CAPZA2: variants seen among roughly 807,000 people sequenced by gnomAD.
CAPZA2 encodes the protein capping actin protein of muscle Z-line subunit alpha 2.
CAPZA2 carries 13 observed loss-of-function variants against 44.0 expected under a neutral mutation model. That is an observed-to-expected ratio of 0.30 (90% CI 0.19 to 0.47). The LOEUF (loss-of-function observed/expected upper bound fraction) is 0.47. Among genes scored for constraint, CAPZA2 ranks in the 20% least tolerant of loss-of-function variants. The pLI, the probability that CAPZA2 is intolerant of heterozygous loss-of-function variation, is 1.00. For synonymous variants in CAPZA2, 94 were observed against 108.2 expected (o/e 0.87, Z 0.81); for missense variants, 244 against 338.6 (o/e 0.72, Z 2.19).
chr7:116,910,341 T>C (rs770789739), intron 7 of CAPZA2, 30 bp downstream of exon 7: 13 of 1,034,126 alleles, frequency 1.3e-5, no homozygotes, highest in Non-Finnish European at 2.0e-5. Flanking sequence ...TACTGATCTT[T>C]AGATGATTCT....
chr7:116,898,756 A>T lies in CAPZA2; in HGVS notation c.156-16A>T. 6.5e-7 allele frequency: 1 copy of T among 1,534,438 alleles called. No homozygotes were observed. The highest frequency in any genetic ancestry group is 2.3e-5 in the East Asian group (1 of 44,086). On this transcript the variant is annotated splice_polypyrimidine_tract_variant and intron_variant, in intron 3 of 9. Coordinates refer to ENST00000361183, the MANE Select transcript of CAPZA2 (RefSeq NM_006136.3). ...AAATATATAATTTTAAGTAATTGCC[A>T]TTTTCTTTTTTTTAGTGCATTTGCA...
chr7:116,892,915 C>T, intron 2 of CAPZA2, 79 bp from the exon 3 acceptor site: 1 of 912,426 alleles, frequency 1.1e-6, no homozygotes, highest in Non-Finnish European at 1.6e-6. Context: ...GGTGTTAATA[C>T]ATCACCAAAA....
At chr7:116,862,701 G>C (rs1345484833) in intron 1 of CAPZA2, 51 bp downstream of exon 1, 1 of 1,498,242 alleles carries the variant, frequency 6.7e-7, no homozygotes. Flanking sequence ...GGCTCAGCCC[G>C]GGCGGGTGGG....
At chr7:116,906,500 G>T in intron 6 of CAPZA2, 158 bp downstream of exon 6, 1 of 1,266,854 alleles carries the variant, frequency 7.9e-7, no homozygotes, top group Non-Finnish European at 1.0e-6. Context: ...AGGTAAATTT[G>T]CTCAACAGCC....
chr7:116,900,066 A>G (rs535954460), intron 4 of CAPZA2, among the ~76,000 whole-genome samples: 2 of 151,854 alleles, frequency 1.3e-5, no homozygotes, highest in South Asian at 2.1e-4. Flanking sequence ...TGATGTATCA[A>G]TAGACAGTAA....
At chr7:116,906,376 G>C in intron 6 of CAPZA2, 34 bp downstream of exon 6, 2 of 1,606,966 alleles carry the variant, frequency 1.2e-6, no homozygotes, top group South Asian at 1.1e-5. Context: ...GGGAGTTTTG[G>C]CATTGTTTTA....
At chr7:116,899,591 A>G (rs1436958730) in intron 4 of CAPZA2, among the ~76,000 whole-genome samples, 1 of 151,522 alleles carries the variant, frequency 6.6e-6, no homozygotes, top group East Asian at 1.9e-4. Context: ...ATGTGTGTGT[A>G]TATACAAAGC....
At chr7:116,865,410 T>G (rs1796471525) in intron 1 of CAPZA2, among the ~76,000 whole-genome samples, 1 of 152,152 alleles carries the variant, frequency 6.6e-6, no homozygotes, top group South Asian at 2.1e-4. Context: ...GGTCTTGAAC[T>G]CCTGACCTCA....
At chr7:116,884,745 C>A (rs1484949470) in intron 1 of CAPZA2, among the ~76,000 whole-genome samples, 1 of 151,992 alleles carries the variant, frequency 6.6e-6, no homozygotes, top group African/African-American at 2.4e-5. Context: ...AATAAGTTTG[C>A]ATTTCTGAAG....
rs984709148 is a variant in CAPZA2 at position 116,920,349 on chromosome 7, T to C, written c.*2482T>C. 2 of 152,220 alleles carry C rather than the reference T, an allele frequency of 1.3e-5. No homozygotes were observed. The highest frequency in any genetic ancestry group is 4.1e-4 in the South Asian group (2 of 4,822). 9.4% of individuals were successfully genotyped at this position (152,220 alleles called of 1,614,324 possible). A position where few individuals can be genotyped will look rare whatever the true frequency, so the allele number is the denominator to read the frequency against. ...GATGTAATTTTAGTAGGAGACATTATGGCTGCTTTGCTGAGTAGGCTGAAG... is the reference window on the plus strand; with the variant it reads ...GATGTAATTTTAGTAGGAGACATTACGGCTGCTTTGCTGAGTAGGCTGAAG... On this transcript the variant is annotated 3_prime_UTR_variant, in exon 10 of 10. Coordinates refer to ENST00000361183, the MANE Select transcript of CAPZA2 (RefSeq NM_006136.3).
chr7:116,906,973 G>A lies in CAPZA2; in HGVS notation c.506+631G>A, dbSNP rs545320872. Among the ~76,000 whole-genome samples, 14 of 152,214 alleles carry A rather than the reference G, an allele frequency of 9.2e-5. 1 individual carries two copies. Among genetic ancestry groups the A allele is most frequent in the African/African-American group, 3.4e-4 (14 of 41,540 alleles). On this transcript the variant is annotated intron_variant, in intron 6 of 9. Coordinates refer to ENST00000361183, the MANE Select transcript of CAPZA2 (RefSeq NM_006136.3). ...TGAGTACCTGTTACAAAATTCTGAG[G>A]TTCTTTAAGACTTTACAAGTCCATA...
At chr7:116,910,861 C>T (rs993692001) in intron 7 of CAPZA2, among the ~76,000 whole-genome samples, 7 of 151,290 alleles carry the variant, frequency 4.6e-5, no homozygotes, top group Admixed American at 2.0e-4. Context: ...AAAAATTACA[C>T]GTGCCTGTAG....
At chr7:116,865,704 A>G (rs757818149) in intron 1 of CAPZA2, among the ~76,000 whole-genome samples, 1 of 152,126 alleles carries the variant, frequency 6.6e-6, no homozygotes, top group Non-Finnish European at 1.5e-5. Context: ...AGTCTCCCCA[A>G]GTAGCTGGGA....
intron 1 of CAPZA2, chr7:116,886,017 A>G (rs892488092): frequency 9.0e-5 from 14 of 154,788 alleles, no homozygotes; most frequent in South Asian, 6.1e-4. Context: ...CCCTGAAGCT[A>G]TCAGTCAACA....
rs908825959 is a variant in CAPZA2 at position 116,899,253 on chromosome 7, G to T, written c.219+418G>T. Among the ~76,000 whole-genome samples, 3 of 151,762 alleles carry T rather than the reference G, an allele frequency of 2.0e-5. No homozygotes were observed. In the South Asian group the frequency reaches 6.2e-4, roughly 31 times the overall value. ...TCTCTTCTTTCCAAACTACAAGTTA[G>T]ATTTGCTAAGCTAAGAAAAGCCACA... On this transcript the variant is annotated intron_variant, in intron 4 of 9. Coordinates refer to ENST00000361183, the MANE Select transcript of CAPZA2 (RefSeq NM_006136.3).
At chr7:116,880,811 G>A (rs925446884) in intron 1 of CAPZA2, among the ~76,000 whole-genome samples, 5 of 135,026 alleles carry the variant, frequency 3.7e-5, no homozygotes, top group South Asian at 2.5e-4. Flanking sequence ...AGGTTCAAGC[G>A]ATTCTCCTGC....
At chr7:116,888,817 G>A (rs1175571591) in intron 2 of CAPZA2, 1 of 151,754 alleles carries the variant, frequency 6.6e-6, no homozygotes, top group Non-Finnish European at 1.5e-5. Flanking sequence ...GCAACAGAGT[G>A]AGACCCTATC....
At chr7:116,864,710 T>C (rs79786321) in intron 1 of CAPZA2, among the ~76,000 whole-genome samples, 1,920 of 152,174 alleles carry the variant, frequency 0.013, 28 homozygotes, top group South Asian at 0.036. Context: ...TATTTTAATA[T>C]TACTCGTTCT....
intron 6 of CAPZA2, chr7:116,909,735 C>T (rs6466594): frequency 0.99 from 165,314 of 166,956 alleles, 81,851 homozygotes; most frequent in Middle Eastern, 1. Context: ...TGAGTGTATT[C>T]ATAAAAGCCC....
Sources: allele counts gnomAD v4.1 joint callset (sites outside exome capture counted in the v4.1 genomes callset), GRCh38; gene constraint gnomAD v4.1.1; transcripts MANE v1.5; gene names NCBI Gene and HGNC (gene_info 2026-07-23, HGNC 2026-07-21).